MYDGF: variants seen among roughly 807,000 people sequenced by gnomAD.
The protein encoded by MYDGF is myeloid derived growth factor.
Under a neutral mutation model 24.2 loss-of-function variants are expected in MYDGF, and 29 were observed. The observed-to-expected ratio is 1.20, with a 90% CI of 0.89 to 1.63. MYDGF has a LOEUF of 1.63. Among genes scored for constraint, MYDGF ranks in the 40% most tolerant of loss-of-function variants. The pLI, the probability that MYDGF is intolerant of heterozygous loss-of-function variation, is 0.00. For missense variants in MYDGF, 245 were observed against 234.8 expected (o/e 1.04, Z -0.29); for synonymous variants, 105 against 102.5 (o/e 1.02, Z -0.15).
chr19:4,658,051 A>G lies in MYDGF; in HGVS notation c.476T>C (p.Leu159Pro). The change falls in exon 6 of 6, where the codon CTG becomes CCG. Residue 159 changes from leucine (L) to proline (P), a missense_variant. Coordinates refer to ENST00000262947, the MANE Select transcript of MYDGF (RefSeq NM_019107.4). Reference sequence around the variant, plus strand: ...CTTGGCCACAATCACCAGCTTGGACAGCTCAGCTTTGAATGCCCCGGGCCT... The same window carrying G: ...CTTGGCCACAATCACCAGCTTGGACGGCTCAGCTTTGAATGCCCCGGGCCT... ...AHRPGAFKAE[L>P]SKLVIVAKAS... The G allele has an allele frequency of 6.2e-7, 1 of 1,612,110 alleles. No individual in the cohort carries two copies. The highest frequency in any genetic ancestry group is 8.5e-7 in the Non-Finnish European group (1 of 1,179,506).
rs112051621 is a variant in MYDGF at position 4,667,168 on chromosome 19, G to A, written c.225+1427C>T. 4.2e-3 allele frequency among the ~76,000 whole-genome samples: 526 copies of A among 124,796 alleles called. 5 individuals are homozygous for A. The highest frequency in any genetic ancestry group is 0.016 in the African/African-American group (494 of 31,204). 81.9% of individuals were successfully genotyped at this position (124,796 alleles called of 152,430 possible). A position where few individuals can be genotyped will look rare whatever the true frequency, so the allele number is the denominator to read the frequency against. On this transcript the variant is annotated intron_variant, in intron 2 of 5. Transcript: ENST00000262947. ...TTTTGAGACAGAGTCTCGCTCTGTCGCCCAGGATGGAGTGCAGTGGCGCGA... is the reference window on the plus strand; with the variant it reads ...TTTTGAGACAGAGTCTCGCTCTGTCACCCAGGATGGAGTGCAGTGGCGCGA...
chr19:4,666,627 T>C (rs1416109499), intron 2 of MYDGF, among the ~76,000 whole-genome samples: 1 of 152,156 alleles, frequency 6.6e-6, no homozygotes, highest in Non-Finnish European at 1.5e-5. Flanking sequence ...TGGGTGGTTT[T>C]CCCACAGATG....
Position 4,657,826 on chromosome 19 carries a change from G to C in MYDGF, c.*179C>G. ...GAGCCAGGAGGGCCCTGGACCCTCT[G>C]TTCTCTGCCCCAGGGCTTCAGCCAC... On this transcript the variant is annotated 3_prime_UTR_variant, in exon 6 of 6. Coordinates refer to ENST00000262947, the MANE Select transcript of MYDGF (RefSeq NM_019107.4). 6 of 555,592 alleles carry C rather than the reference G, an allele frequency of 1.1e-5. No homozygotes were observed. The highest frequency in any genetic ancestry group is 1.3e-5 in the Non-Finnish European group (4 of 314,084). The allele number at this position is 555,592 out of a possible 1,614,324, so 34.4% of individuals were successfully genotyped here. A position where few individuals can be genotyped will look rare whatever the true frequency, so the allele number is the denominator to read the frequency against.
chr19:4,665,494 C>G (rs1486618948), intron 2 of MYDGF, among the ~76,000 whole-genome samples: 1 of 152,126 alleles, frequency 6.6e-6, no homozygotes. Flanking sequence ...TATAAGCCAC[C>G]ATGCCAGGCC....
rs755429300 is a variant in MYDGF, at chr19:4,660,740, TC to T, written c.297del (p.Lys100SerfsTer37). The T allele has an allele frequency of 6.2e-7, 1 of 1,613,642 alleles. No homozygotes were observed. The highest frequency in any genetic ancestry group is 8.5e-7 in the Non-Finnish European group (1 of 1,179,852). ...HFTCTIWRPQ[G>X]KSYLYFTQFK... ...AACTGTGTGAAGTACAGATAGGACTTCCCCTGGGGCCTGCAGAGGAAGAGGG... is the reference window on the plus strand; with the variant it reads ...AACTGTGTGAAGTACAGATAGGACTTCCCTGGGGCCTGCAGAGGAAGAGGG... On this transcript the variant is annotated frameshift_variant, in exon 4 of 6. Transcript: ENST00000262947. LOFTEE classifies it high-confidence loss of function.
chr19:4,660,041 T>G (rs774704500), intron 4 of MYDGF, 38 bp from the exon 5 acceptor site: 2 of 1,541,800 alleles, frequency 1.3e-6, no homozygotes, highest in Non-Finnish European at 1.8e-6. Context: ...CAGGGCCAGT[T>G]CAATGCTCAT....
Position 4,667,433 on chromosome 19 carries a change from G to A in MYDGF, c.225+1162C>T, listed in dbSNP as rs539266654. On this transcript the variant is annotated intron_variant, in intron 2 of 5. Transcript: ENST00000262947. ...ATGAGCCAGTGCGCCTGGCTCGCCC[G>A]GCTAATTTTTGTAGTTTTAGTAGAG... Among the ~76,000 whole-genome samples the A allele has an allele frequency of 1.9e-3, 290 of 151,734 alleles. 1 individual carries two copies. Among genetic ancestry groups the A allele is most frequent in the African/African-American group, 6.4e-3 (263 of 41,400 alleles).
chr19:4,660,030 C>T (rs1051138670), intron 4 of MYDGF, 27 bp from the exon 5 acceptor site: 69 of 1,594,410 alleles, frequency 4.3e-5, no homozygotes, highest in Non-Finnish European at 5.5e-5. Context: ...GGAAACTTTA[C>T]CAGGGCCAGT....
intron 5 of MYDGF, among the ~76,000 whole-genome samples, chr19:4,659,289 T>C (rs1481291232): frequency 1.3e-5 from 2 of 151,994 alleles, no homozygotes; most frequent in Non-Finnish European, 2.9e-5. Context: ...CAGGCTAGAG[T>C]GCAGTGGCAT....
chr19:4,661,458 T>C (rs760180106), intron 3 of MYDGF, among the ~76,000 whole-genome samples: 3 of 152,104 alleles, frequency 2.0e-5, no homozygotes, highest in South Asian at 2.1e-4. Flanking sequence ...TCAGAGGGCA[T>C]TGACTAGGAA....
intron 2 of MYDGF, among the ~76,000 whole-genome samples, chr19:4,666,145 C>A (rs986310627): frequency 2.0e-5 from 3 of 152,028 alleles, no homozygotes; most frequent in Non-Finnish European, 4.4e-5. Flanking sequence ...TAGCGAGACC[C>A]CATCTCTAAA....
At chr19:4,664,782 G>A (rs1338943607) in intron 3 of MYDGF, 94 bp downstream of exon 3, 2 of 1,391,886 alleles carry the variant, frequency 1.4e-6, no homozygotes, top group East Asian at 2.5e-5. Context: ...CCCTCCAGGG[G>A]TGCAGCCCTC....
intron 2 of MYDGF, among the ~76,000 whole-genome samples, 181 bp downstream of exon 2, chr19:4,668,414 A>T (rs1399163586): frequency 6.6e-6 from 1 of 152,188 alleles, no homozygotes; most frequent in Non-Finnish European, 1.5e-5. Flanking sequence ...TAGAATAATA[A>T]CAGCAGAATC....
At position 4,657,679 on chromosome 19, in the gene MYDGF, CG is replaced by C. The variant is rs1479762184; in HGVS notation, c.*325del. Reference sequence around the variant, plus strand: ...TCATGAAGGATGCTCGGCTGGAGGTCGGGGGGAGCATGGCTGCTTTCCCCAG... The same window carrying C: ...TCATGAAGGATGCTCGGCTGGAGGTCGGGGGAGCATGGCTGCTTTCCCCAG... On this transcript the variant is annotated 3_prime_UTR_variant, in exon 6 of 6. Transcript: ENST00000262947. The C allele has an allele frequency of 6.6e-5, 15 of 228,620 alleles. No homozygotes were observed. Among genetic ancestry groups the C allele is most frequent in the Admixed American group, 1.0e-4 (2 of 19,106 alleles). 14.2% of individuals were successfully genotyped at this position (228,620 alleles called of 1,614,324 possible). A position where few individuals can be genotyped will look rare whatever the true frequency, so the allele number is the denominator to read the frequency against.
intron 2 of MYDGF, 35 bp downstream of exon 2, chr19:4,668,560 T>TCA (rs2088537711): frequency 6.3e-7 from 1 of 1,582,550 alleles, no homozygotes; most frequent in Admixed American, 1.7e-5. Context: ...ATGGATACTG[T>TCA]CACAGTAAGC....
At chr19:4,667,050 G>A (rs914735982) in intron 2 of MYDGF, among the ~76,000 whole-genome samples, 3 of 151,822 alleles carry the variant, frequency 2.0e-5, no homozygotes, top group Non-Finnish European at 2.9e-5. Context: ...CCTAGAGGCC[G>A]CGTGTATTCC....
intron 1 of MYDGF, 37 bp downstream of exon 1, chr19:4,670,124 C>T (rs2145191205): frequency 6.2e-6 from 9 of 1,451,016 alleles, no homozygotes; most frequent in Non-Finnish European, 7.3e-6. Context: ...CCCGGGCCTG[C>T]CAGCACTCAA....
chr19:4,667,230 G>A (rs1384281745), intron 2 of MYDGF, among the ~76,000 whole-genome samples: 8 of 145,452 alleles, frequency 5.5e-5, no homozygotes, highest in Admixed American at 2.9e-4. Context: ...CCGGGTTCAC[G>A]CCATTCTCCT....
At chr19:4,658,934 C>T (rs1334609587) in intron 5 of MYDGF, among the ~76,000 whole-genome samples, 1 of 151,796 alleles carries the variant, frequency 6.6e-6, no homozygotes, top group Non-Finnish European at 1.5e-5. Context: ...TCCTGAGTAG[C>T]TGGGATTACA....
Sources: allele counts gnomAD v4.1 joint callset (sites outside exome capture counted in the v4.1 genomes callset), GRCh38; gene constraint gnomAD v4.1.1; transcripts MANE v1.5; gene names NCBI Gene and HGNC (gene_info 2026-07-23, HGNC 2026-07-21).